Variants in MYO1D observed in about 807,000 individuals in gnomAD.
MYO1D encodes the protein unconventional myosin-Id.
Under a neutral mutation model 122.0 loss-of-function variants are expected in MYO1D, and 83 were observed. The observed-to-expected ratio is 0.68, with a 90% CI of 0.57 to 0.82. MYO1D has a LOEUF of 0.82. MYO1D is among the 40% of genes least tolerant of loss of function. The probability of loss-of-function intolerance (pLI) is 0.00; values close to 1 mark genes in which losing one functional copy is unlikely to be tolerated. For missense variants in MYO1D, 1,157 were observed against 1,269.5 expected (o/e 0.91, Z 1.35); for synonymous variants, 464 against 446.9 (o/e 1.04, Z -0.48).
intron 1 of MYO1D, among the ~76,000 whole-genome samples, chr17:32,863,198 G>C (rs1038769266): frequency 6.6e-6 from 1 of 152,196 alleles, no homozygotes; most frequent in African/African-American, 2.4e-5. Flanking sequence ...ATCATGTTTG[G>C]TTTGTTCAAC....
chr17:32,829,171 G>A (rs1342156399), intron 1 of MYO1D, among the ~76,000 whole-genome samples: 1 of 152,186 alleles, frequency 6.6e-6, no homozygotes, highest in African/African-American at 2.4e-5. Context: ...TAACAGGGAG[G>A]AGCTAAGAAA....
intron 16 of MYO1D, among the ~76,000 whole-genome samples, chr17:32,677,950 G>C (rs1322107484): frequency 6.6e-6 from 1 of 152,074 alleles, no homozygotes; most frequent in African/African-American, 2.4e-5. Flanking sequence ...CCCTCCAGGT[G>C]TCCTTCCAGA....
At chr17:32,514,680 A>G (rs1354996297) in intron 21 of MYO1D, among the ~76,000 whole-genome samples, 1 of 152,238 alleles carries the variant, frequency 6.6e-6, no homozygotes, top group Non-Finnish European at 1.5e-5. Context: ...AGGGGCTGTT[A>G]GTACATCACA....
chr17:32,632,802 T>C lies in MYO1D; in HGVS notation c.2709+5920A>G, dbSNP rs2088039029. Among the ~76,000 whole-genome samples, 3 of 152,164 alleles carry C rather than the reference T, an allele frequency of 2.0e-5. No homozygotes were observed. In the South Asian group the frequency reaches 6.2e-4, roughly 32 times the overall value. On this transcript the variant is annotated intron_variant, in intron 20 of 21. Coordinates refer to ENST00000318217, the MANE Select transcript of MYO1D (RefSeq NM_015194.3). ...GAATTTATTGTAATTTTTGGGTTCA[T>C]AATACCTTTGTCCAACAGTAATCAA...
intron 17 of MYO1D, 77 bp downstream of exon 17, chr17:32,659,038 G>T: frequency 2.3e-6 from 3 of 1,291,546 alleles, no homozygotes; most frequent in Non-Finnish European, 1.1e-6. Flanking sequence ...TCAATATCAC[G>T]GTCTCAGACT....
At chr17:32,665,355 G>T (rs2088622893) in intron 16 of MYO1D, among the ~76,000 whole-genome samples, 2 of 152,160 alleles carry the variant, frequency 1.3e-5, no homozygotes, top group Non-Finnish European at 2.9e-5. Context: ...AGGGCCACTA[G>T]GCTGGGGATC....
intron 21 of MYO1D, among the ~76,000 whole-genome samples, chr17:32,556,697 T>C (rs943089088): frequency 5.3e-5 from 8 of 152,194 alleles, no homozygotes; most frequent in African/African-American, 1.9e-4. Flanking sequence ...AATGTTTAAC[T>C]ACATATAAAA....
intron 11 of MYO1D, among the ~76,000 whole-genome samples, chr17:32,753,929 A>G (rs2089922980): frequency 6.6e-6 from 1 of 152,044 alleles, no homozygotes; most frequent in South Asian, 2.1e-4. Context: ...ATGATATTAT[A>G]TTTCAAAATA....
At position 32,553,365 on chromosome 17, in the gene MYO1D, G is replaced by A. The variant is rs186660555; in HGVS notation, c.2864+51722C>T. ...ATAGGACTGCCTTTACAGAGGAGGC[G>A]ATATTTGAAGTGGTTCCTGAAAGAG... On this transcript the variant is annotated intron_variant, in intron 21 of 21. Coordinates refer to ENST00000318217, the MANE Select transcript of MYO1D (RefSeq NM_015194.3). Among the ~76,000 whole-genome samples the A allele has an allele frequency of 1.1e-4, 17 of 152,300 alleles. No homozygotes were observed. The East Asian group carries it at 2.7e-3, about 24-fold the overall frequency.
rs2088624224 is a variant in MYO1D, at chr17:32,665,458, A to G, written c.2122-6120T>C. ...TTTGCCGAATGAATGAATGTATTCT[A>G]CTTCATCTTCCAAGTCTGATATTGA... On this transcript the variant is annotated intron_variant, in intron 16 of 21. Transcript: ENST00000318217. Among the ~76,000 whole-genome samples the G allele has an allele frequency of 2.6e-5, 4 of 152,190 alleles. No individual in the cohort carries two copies. In the South Asian group the frequency reaches 8.3e-4, roughly 32 times the overall value.
chr17:32,616,087 C>T (rs1414261911), intron 20 of MYO1D, among the ~76,000 whole-genome samples: 1 of 152,182 alleles, frequency 6.6e-6, no homozygotes, highest in Non-Finnish European at 1.5e-5. Context: ...CCTCTTTGAA[C>T]AGAAATGTCT....
intron 11 of MYO1D, among the ~76,000 whole-genome samples, chr17:32,753,031 G>A (rs1052966472): frequency 6.6e-5 from 10 of 152,054 alleles, no homozygotes; most frequent in Non-Finnish European, 1.5e-4. Flanking sequence ...AGTGTCTATC[G>A]ACAAATGATT....
rs996135799 is a variant in MYO1D at position 32,579,523 on chromosome 17, A to G, written c.2864+25564T>C. Among the ~76,000 whole-genome samples the G allele has an allele frequency of 2.0e-5, 3 of 152,210 alleles. No homozygotes were observed. In the South Asian group the frequency reaches 6.2e-4, roughly 32 times the overall value. On this transcript the variant is annotated intron_variant, in intron 21 of 21. Coordinates refer to ENST00000318217, the MANE Select transcript of MYO1D (RefSeq NM_015194.3). ...CTTTATTAAGGCATCACTGACATAC[A>G]ATAAACTCCACATATTTAAGGTATA... is the stretch of plus-strand genomic sequence containing the variant.
intron 16 of MYO1D, among the ~76,000 whole-genome samples, chr17:32,699,395 A>G (rs1040355901): frequency 1.3e-5 from 2 of 152,244 alleles, no homozygotes; most frequent in African/African-American, 4.8e-5. Context: ...GATAACTGTC[A>G]GACTGCCAGG....
chr17:32,530,181 C>T (rs1373505344), intron 21 of MYO1D: 3 of 152,166 alleles, frequency 2.0e-5, no homozygotes, highest in South Asian at 2.1e-4. Flanking sequence ...TTCATCGAGC[C>T]GCTCCATTAC....
chr17:32,756,582 A>C (rs1273885895), intron 10 of MYO1D, among the ~76,000 whole-genome samples: 1 of 151,986 alleles, frequency 6.6e-6, no homozygotes, highest in Non-Finnish European at 1.5e-5. Context: ...AACGGAAAAA[A>C]AAAAAAAAGA....
At chr17:32,700,863 G>A (rs1276627964) in intron 16 of MYO1D, among the ~76,000 whole-genome samples, 1 of 149,602 alleles carries the variant, frequency 6.7e-6, no homozygotes, top group Non-Finnish European at 1.5e-5. Context: ...AGAATCGCTT[G>A]AACCCAGGAG....
intron 21 of MYO1D, among the ~76,000 whole-genome samples, chr17:32,513,771 T>C (rs1390736287): frequency 6.6e-6 from 1 of 152,074 alleles, no homozygotes. Flanking sequence ...CCCGCACAGC[T>C]GTGTCTCAGC....
At chr17:32,627,857 T>C (rs1567917307) in intron 20 of MYO1D, 1 of 152,198 alleles carries the variant, frequency 6.6e-6, no homozygotes, top group Non-Finnish European at 1.5e-5. Flanking sequence ...ACAGATTTTT[T>C]GTTTACGCAA....
Sources: allele counts gnomAD v4.1 joint callset (sites outside exome capture counted in the v4.1 genomes callset), GRCh38; gene constraint gnomAD v4.1.1; transcripts MANE v1.5; gene names NCBI Gene and HGNC (gene_info 2026-07-23, HGNC 2026-07-21).